PDE1C: variants seen among roughly 807,000 people sequenced by gnomAD.
PDE1C encodes the protein phosphodiesterase 1C.
A neutral mutation model predicts 93.1 loss-of-function variants in PDE1C; 62 were observed. That is an observed-to-expected ratio of 0.67 (90% CI 0.54 to 0.82). The LOEUF (loss-of-function observed/expected upper bound fraction) is 0.82. Ranked by LOEUF, PDE1C falls within the 40% of genes least tolerant of loss-of-function variation. The pLI is 0.00. For synonymous variants in PDE1C, 325 were observed against 310.1 expected, an observed-to-expected ratio of 1.05 and a Z score of -0.50; for missense variants, 742 against 884.6, an observed-to-expected ratio of 0.84 and a Z score of 2.04.
At chr7:32,332,359 C>A (rs1253008727) in intron 1 of PDE1C, among the ~76,000 whole-genome samples, 1 of 151,862 alleles carries the variant, frequency 6.6e-6, no homozygotes, top group African/African-American at 2.4e-5. Flanking sequence ...CAAAGGGCTA[C>A]AATAAAAAAG....
intron 3 of PDE1C, among the ~76,000 whole-genome samples, chr7:32,135,125 T>C (rs1800131418): frequency 2.6e-5 from 4 of 152,056 alleles, no homozygotes; most frequent in African/African-American, 9.7e-5. Context: ...AGACAAAGAC[T>C]TCCTGGGCAC....
intron 16 of PDE1C, among the ~76,000 whole-genome samples, chr7:31,794,389 C>T (rs1785035766): frequency 6.6e-6 from 1 of 151,858 alleles, no homozygotes; most frequent in South Asian, 2.1e-4. Context: ...CCTTTTGCTC[C>T]ACTGCATCTG....
At chr7:32,298,748 C>G in exon 1 of PDE1C, 1 of 1,580,592 alleles carries the variant, frequency 6.3e-7, no homozygotes, top group Non-Finnish European at 8.6e-7. Context: ...CTCGGCCGGC[C>G]GGGCAGGGGC....
intron 1 of PDE1C, among the ~76,000 whole-genome samples, chr7:32,417,556 G>C (rs1583432159): frequency 1.3e-5 from 2 of 151,738 alleles, no homozygotes; most frequent in Admixed American, 6.6e-5. Context: ...CATGGGCAGA[G>C]CCCAGATTCT....
chr7:32,204,598 CTGTGGCCACGTCTGAACACTACA>C (rs897671581), intron 2 of PDE1C, among the ~76,000 whole-genome samples: 6 of 152,238 alleles, frequency 3.9e-5, no homozygotes, highest in East Asian at 1.9e-4. Context: ...TTCTGCCACA[CTGTGGCCACGTCTGAACACTACA>C]TGTGGCCACG....
At chr7:31,946,021 A>G (rs1336854454) in intron 2 of PDE1C, among the ~76,000 whole-genome samples, 3 of 151,882 alleles carry the variant, frequency 2.0e-5, no homozygotes, top group African/African-American at 7.3e-5. Context: ...TCTCCTTTTG[A>G]TTCTTTCTCA....
At chr7:31,953,504 G>T (rs1259852954) in intron 2 of PDE1C, among the ~76,000 whole-genome samples, 4 of 152,208 alleles carry the variant, frequency 2.6e-5, no homozygotes, top group Admixed American at 1.3e-4. Context: ...GTGCTTGACA[G>T]CTCTATACAG....
intron 1 of PDE1C, among the ~76,000 whole-genome samples, chr7:32,245,640 G>T (rs1808872897): frequency 6.6e-6 from 1 of 152,162 alleles, no homozygotes; most frequent in South Asian, 2.1e-4. Context: ...GTCTGTCTGG[G>T]TTGCTCTAAC....
intron 3 of PDE1C, among the ~76,000 whole-genome samples, chr7:32,139,055 A>G (rs556178656): frequency 2.0e-5 from 3 of 152,218 alleles, no homozygotes; most frequent in Non-Finnish European, 2.9e-5. Flanking sequence ...TTCAGTTTCA[A>G]CATAAATAAT....
intron 1 of PDE1C, among the ~76,000 whole-genome samples, chr7:32,218,715 C>T (rs1806614919): frequency 6.6e-6 from 1 of 152,216 alleles, no homozygotes; most frequent in Admixed American, 6.5e-5. Flanking sequence ...CTCTATGCTC[C>T]TATCCTTTAT....
At chr7:31,616,778 AG>A in the PDE1C span, among the ~76,000 whole-genome samples, 1 of 148,438 alleles carries the variant, frequency 6.7e-6, no homozygotes, top group Non-Finnish European at 1.5e-5. Flanking sequence ...AAAACCAAAA[AG>A]GTTTCTAAAT....
At chr7:31,949,064 G>A (rs1396634645) in intron 2 of PDE1C, among the ~76,000 whole-genome samples, 1 of 152,114 alleles carries the variant, frequency 6.6e-6, no homozygotes, top group Non-Finnish European at 1.5e-5. Context: ...TCTACAATGA[G>A]CAAACAAATT....
At chr7:32,425,785 A>T (rs910314719) in intron 1 of PDE1C, among the ~76,000 whole-genome samples, 3 of 152,128 alleles carry the variant, frequency 2.0e-5, no homozygotes, top group Non-Finnish European at 4.4e-5. Context: ...TACAAAAAAC[A>T]TGAAAATTAA....
chr7:32,301,081 C>T (rs934264465), upstream of PDE1C, among the ~76,000 whole-genome samples: 1 of 152,116 alleles, frequency 6.6e-6, no homozygotes, highest in Admixed American at 6.5e-5. Context: ...TCAAGTCACC[C>T]TCTGCCTCCA....
the PDE1C span, among the ~76,000 whole-genome samples, chr7:31,724,030 G>C: frequency 1.3e-5 from 2 of 152,112 alleles, no homozygotes; most frequent in Admixed American, 6.5e-5. Context: ...GCTAGCTTGC[G>C]ATCTATTTAT....
rs148357345 is a variant in PDE1C at position 32,078,745 on chromosome 7, G to C, written c.308+91040C>G. 2.5e-3 allele frequency among the ~76,000 whole-genome samples: 386 copies of C among 152,120 alleles called. 5 individuals are homozygous for C. The highest frequency in any genetic ancestry group is 8.8e-3 in the African/African-American group (367 of 41,496). On this transcript the variant is annotated intron_variant, in intron 3 of 18. Transcript: ENST00000396193. ...TTGGAGATCAGCCTGGGCAACATGG[G>C]AAGACCCTGTCTCTACAAAAAATTT... is the stretch of plus-strand genomic sequence containing the variant.
intron 1 of PDE1C, among the ~76,000 whole-genome samples, chr7:32,426,432 CCCAG>C (rs574378547): frequency 2.7e-3 from 410 of 152,208 alleles, no homozygotes; most frequent in Non-Finnish European, 5.2e-3. Flanking sequence ...CACCATCATG[CCCAG>C]CCAGTGTTTT....
At chr7:32,184,833 C>T (rs1024742800) in intron 2 of PDE1C, among the ~76,000 whole-genome samples, 5 of 152,106 alleles carry the variant, frequency 3.3e-5, no homozygotes, top group Admixed American at 2.0e-4. Flanking sequence ...ACTTCTTGGC[C>T]GGGCACTGTG....
At chr7:31,707,233 A>G in the PDE1C span, 3 of 1,613,958 alleles carry the variant, frequency 1.9e-6, no homozygotes, top group African/African-American at 1.3e-5. Context: ...CGAGAGACCC[A>G]AAGCAATCGT....
Sources: allele counts gnomAD v4.1 joint callset (sites outside exome capture counted in the v4.1 genomes callset), GRCh38; gene constraint gnomAD v4.1.1; transcripts MANE v1.5; gene names NCBI Gene and HGNC (gene_info 2026-07-23, HGNC 2026-07-21).